The following CDC42BPA variants were observed in gnomAD, a reference collection of about 807,000 sequenced individuals.
CDC42BPA encodes serine/threonine-protein kinase MRCK alpha.
In CDC42BPA, 80 loss-of-function variants were observed where a neutral mutation model predicts 223.5. That is an observed-to-expected ratio of 0.36 (90% CI 0.30 to 0.43). The LOEUF (loss-of-function observed/expected upper bound fraction) is 0.43, where lower values mean the gene tolerates loss of function less well. Ranked by LOEUF, CDC42BPA falls within the 20% of genes least tolerant of loss-of-function variation. CDC42BPA has a pLI of 1.00. For missense variants in CDC42BPA, 1,743 were observed against 2,099.9 expected, an observed-to-expected ratio of 0.83 and a Z score of 3.32; for synonymous variants, 694 against 718.6, an observed-to-expected ratio of 0.97 and a Z score of 0.55.
chr1:227,163,089 CAT>C (rs764117258), intron 5 of CDC42BPA, among the ~76,000 whole-genome samples: 69 of 113,648 alleles, frequency 6.1e-4, no homozygotes, highest in South Asian at 1.6e-3. Context: ...TGTTTCCAAA[CAT>C]GTGTGTTTCC....
At chr1:227,044,349 C>T (rs531298609) in intron 23 of CDC42BPA, among the ~76,000 whole-genome samples, 17 of 152,198 alleles carry the variant, frequency 1.1e-4, no homozygotes, top group East Asian at 5.8e-4. Context: ...ATAAAGCCCA[C>T]GAATATTTTC....
chr1:227,261,825 T>C (rs1232949988), intron 1 of CDC42BPA, among the ~76,000 whole-genome samples: 1 of 152,150 alleles, frequency 6.6e-6, no homozygotes, highest in African/African-American at 2.4e-5. Flanking sequence ...ATAAAAATTC[T>C]GATTCTTGTC....
chr1:227,317,868 T>C lies in CDC42BPA; in HGVS notation c.-686A>G. 2 of 398,714 alleles carry C rather than the reference T, an allele frequency of 5.0e-6. No homozygotes were observed. The highest frequency in any genetic ancestry group is 6.3e-4 in the Middle Eastern group (1 of 1,590). 24.7% of individuals were successfully genotyped at this position (398,714 alleles called of 1,614,324 possible). On this transcript the variant is annotated 5_prime_UTR_variant, in exon 1 of 37. An upstream open reading frame in the 5' UTR loses its in-frame stop. Coordinates refer to ENST00000366766, the MANE Select transcript of CDC42BPA (RefSeq NM_001394014.1). ...TCTCCTCCCGAGGTCCTTCTTTCTT[T>C]AAGGCTTTGCAGTCAGTCCTATTTT... is the stretch of plus-strand genomic sequence containing the variant.
At chr1:227,259,850 C>G (rs985432129) in intron 1 of CDC42BPA, among the ~76,000 whole-genome samples, 2 of 150,856 alleles carry the variant, frequency 1.3e-5, no homozygotes, top group Non-Finnish European at 2.9e-5. Flanking sequence ...AAAACAGAAT[C>G]CTTTAATCAT....
rs1452706226 is a variant in CDC42BPA at position 227,156,336 on chromosome 1, G to A, written c.693+4207C>T. Among the ~76,000 whole-genome samples, 3 of 151,386 alleles carry A rather than the reference G, an allele frequency of 2.0e-5. No individual in the cohort carries two copies. In the East Asian group the frequency reaches 5.9e-4, roughly 30 times the overall value. On this transcript the variant is annotated intron_variant, in intron 6 of 36. Coordinates refer to ENST00000366766, the MANE Select transcript of CDC42BPA (RefSeq NM_001394014.1). ...CCTAACTAATTTTTTATATTTTTTT[G>A]TAGAGATGAGGTCTTGCTATGTTGC... is the stretch of plus-strand genomic sequence containing the variant.
rs570402859 is a variant in CDC42BPA, at chr1:227,076,281, G to C, written c.2481-1917C>G. On this transcript the variant is annotated intron_variant, in intron 17 of 36. Transcript: ENST00000366766. The stretch of plus-strand genomic sequence containing the variant: ...CTCTTATTTATTTATTTTTTTGAGA[G>C]AGTCTTGCTCCGTTGCCCATGCTAA... Among the ~76,000 whole-genome samples the C allele has an allele frequency of 2.6e-5, 4 of 151,974 alleles. No homozygotes were observed. In the South Asian group the frequency reaches 8.3e-4, roughly 32 times the overall value.
intron 2 of CDC42BPA, among the ~76,000 whole-genome samples, chr1:227,245,124 C>T (rs1205726791): frequency 6.6e-6 from 1 of 152,114 alleles, no homozygotes; most frequent in Non-Finnish European, 1.5e-5. Flanking sequence ...CTAGGCAACT[C>T]CTAGTGCTTA....
At chr1:227,186,410 C>G (rs1301922528) in intron 5 of CDC42BPA, among the ~76,000 whole-genome samples, 2 of 152,136 alleles carry the variant, frequency 1.3e-5, no homozygotes, top group Non-Finnish European at 1.5e-5. Context: ...TTTTCAGAGC[C>G]TAACCTGCTG....
intron 2 of CDC42BPA, among the ~76,000 whole-genome samples, chr1:227,228,135 G>A (rs569556448): frequency 7.9e-5 from 12 of 152,256 alleles, no homozygotes; most frequent in Admixed American, 6.5e-4. Flanking sequence ...GGGGCAGGCC[G>A]GGAGAGGGAG....
intron 1 of CDC42BPA, among the ~76,000 whole-genome samples, chr1:227,307,021 C>G (rs574448013): frequency 5.9e-5 from 9 of 152,292 alleles, no homozygotes; most frequent in African/African-American, 2.2e-4. Flanking sequence ...TTCTATTTCA[C>G]AGCCATGACA....
At chr1:227,197,107 T>A (rs1225186733) in intron 4 of CDC42BPA, among the ~76,000 whole-genome samples, 2 of 152,174 alleles carry the variant, frequency 1.3e-5, no homozygotes, top group African/African-American at 4.8e-5. Context: ...AGGTTAGAAA[T>A]GAAAGTTATT....
At chr1:227,214,755 A>AAAGTAC (rs1441676596) in intron 2 of CDC42BPA, among the ~76,000 whole-genome samples, 1 of 152,168 alleles carries the variant, frequency 6.6e-6, no homozygotes, top group East Asian at 1.9e-4. Flanking sequence ...CAGTGTGAGA[A>AAAGTAC]AAGTACTAAC....
At chr1:227,285,649 G>A (rs1396776443) in intron 1 of CDC42BPA, among the ~76,000 whole-genome samples, 4 of 152,084 alleles carry the variant, frequency 2.6e-5, no homozygotes, top group Non-Finnish European at 4.4e-5. Context: ...GTCCTAGATG[G>A]TCCTGTCACT....
chr1:227,090,282 T>C (rs904730522), intron 16 of CDC42BPA, among the ~76,000 whole-genome samples: 3 of 152,208 alleles, frequency 2.0e-5, no homozygotes, highest in Non-Finnish European at 4.4e-5. Context: ...TTATTTAGCA[T>C]TTTAAATGCT....
intron 5 of CDC42BPA, among the ~76,000 whole-genome samples, chr1:227,166,129 T>A (rs1664993236): frequency 6.6e-6 from 1 of 152,138 alleles, no homozygotes; most frequent in South Asian, 2.1e-4. Flanking sequence ...CAACAATGAG[T>A]ACAATTATAC....
intron 9 of CDC42BPA, among the ~76,000 whole-genome samples, chr1:227,141,917 T>A (rs1254931004): frequency 6.6e-6 from 1 of 152,016 alleles, no homozygotes; most frequent in Non-Finnish European, 1.5e-5. Flanking sequence ...TATAGTGAGC[T>A]AGGACTGCAC....
At chr1:227,151,945 C>CG (rs894949153) in intron 6 of CDC42BPA, among the ~76,000 whole-genome samples, 11 of 150,110 alleles carry the variant, frequency 7.3e-5, no homozygotes, top group African/African-American at 2.7e-4. Context: ...CCCAACTACT[C>CG]GGGTGGCTGA....
intron 5 of CDC42BPA, among the ~76,000 whole-genome samples, chr1:227,167,405 C>T (rs888770715): frequency 1.3e-5 from 2 of 152,126 alleles, no homozygotes; most frequent in Admixed American, 6.5e-5. Context: ...CCAGTAGCAT[C>T]TTTTTAGTTT....
intron 1 of CDC42BPA, among the ~76,000 whole-genome samples, chr1:227,316,760 A>G (rs1027661229): frequency 4.4e-4 from 67 of 152,354 alleles, no homozygotes; most frequent in African/African-American, 1.4e-3. Context: ...ACCTAAAAAC[A>G]TAAGTTCTTC....
Sources: gnomAD v4.1 joint callset for allele counts (sites outside exome capture counted in the v4.1 genomes callset) on GRCh38, gnomAD v4.1.1 for gene constraint, MANE v1.5 for transcripts, NCBI Gene and HGNC (gene_info 2026-07-23, HGNC 2026-07-21) for gene names.